GRAMD1B: variants seen among roughly 807,000 people sequenced by gnomAD.
GRAMD1B encodes GRAM domain containing 1B, also known as protein Aster-B.
In GRAMD1B, 37 loss-of-function variants were observed where a neutral mutation model predicts 99.7. The observed-to-expected ratio is 0.37, with a 90% CI of 0.29 to 0.49. The LOEUF is 0.49. Ranked by LOEUF, GRAMD1B falls within the 20% of genes least tolerant of loss-of-function variation. GRAMD1B has a pLI of 0.98. For synonymous variants in GRAMD1B, 427 were observed against 387.6 expected, an observed-to-expected ratio of 1.10 and a Z score of -1.19; for missense variants, 888 against 1,009.2, an observed-to-expected ratio of 0.88 and a Z score of 1.63.
intron 1 of GRAMD1B, among the ~76,000 whole-genome samples, chr11:123,377,330 A>G (rs550223929): frequency 6.6e-6 from 1 of 152,358 alleles, no homozygotes; most frequent in East Asian, 1.9e-4. Flanking sequence ...TATCTCACTC[A>G]TGTGAACTTA....
upstream of GRAMD1B, among the ~76,000 whole-genome samples, chr11:123,426,584 A>G (rs1184529489): frequency 1.5e-5 from 2 of 133,732 alleles, no homozygotes; most frequent in East Asian, 3.9e-4. Context: ...ATAATGGGCC[A>G]ACCGTTGGGA....
intron 1 of GRAMD1B, among the ~76,000 whole-genome samples, chr11:123,447,580 G>A (rs1189228758): frequency 6.6e-6 from 1 of 152,144 alleles, no homozygotes; most frequent in Non-Finnish European, 1.5e-5. Flanking sequence ...TGGAGGCTCT[G>A]GTTCTGCTAA....
At chr11:123,445,887 G>A (rs1476100583) in intron 1 of GRAMD1B, among the ~76,000 whole-genome samples, 1 of 150,284 alleles carries the variant, frequency 6.7e-6, no homozygotes, top group Non-Finnish European at 1.5e-5. Flanking sequence ...TGGTTGCACT[G>A]TCTTTCTTGG....
chr11:123,596,946 G>A (rs1181889738), intron 7 of GRAMD1B, among the ~76,000 whole-genome samples: 1 of 152,026 alleles, frequency 6.6e-6, no homozygotes, highest in East Asian at 1.9e-4. Flanking sequence ...CTCTACCATG[G>A]CTACCTGGGC....
intron 1 of GRAMD1B, among the ~76,000 whole-genome samples, chr11:123,390,138 T>C (rs1488625788): frequency 7.0e-6 from 1 of 142,726 alleles, no homozygotes. Flanking sequence ...ATCAATTCAT[T>C]AAAAAAAAAA....
intron 1 of GRAMD1B, among the ~76,000 whole-genome samples, chr11:123,394,409 G>A (rs573059208): frequency 3.9e-5 from 6 of 152,218 alleles, no homozygotes; most frequent in Admixed American, 3.3e-4. Flanking sequence ...CAAATGGAAC[G>A]GCCTCTCCAC....
At chr11:123,435,854 G>GT (rs1949132510) in intron 1 of GRAMD1B, 2 of 162,504 alleles carry the variant, frequency 1.2e-5, no homozygotes, top group African/African-American at 4.9e-5. Flanking sequence ...TAATTCAGTG[G>GT]TTTTTAATAT....
intron 2 of GRAMD1B, among the ~76,000 whole-genome samples, chr11:123,528,447 G>A (rs1019342948): frequency 2.6e-5 from 4 of 152,220 alleles, no homozygotes; most frequent in African/African-American, 9.6e-5. Context: ...CTGAAACTAT[G>A]TATCAAGCAC....
chr11:123,483,955 C>T (rs1411812857), intron 2 of GRAMD1B, among the ~76,000 whole-genome samples: 2 of 152,188 alleles, frequency 1.3e-5, no homozygotes, highest in Non-Finnish European at 2.9e-5. Context: ...GGAGACATGG[C>T]ACTTCCAAGG....
chr11:123,399,280 C>T (rs187364386), intron 1 of GRAMD1B, among the ~76,000 whole-genome samples: 5 of 152,286 alleles, frequency 3.3e-5, no homozygotes, highest in African/African-American at 1.2e-4. Context: ...TTTTTAAAGG[C>T]TGAAGAATAT....
At chr11:123,541,400 A>G (rs1944512624) in intron 2 of GRAMD1B, among the ~76,000 whole-genome samples, 3 of 152,062 alleles carry the variant, frequency 2.0e-5, no homozygotes. Context: ...TTGCCTCGGT[A>G]TTTCCATTCT....
rs1473969710 is a variant in GRAMD1B at position 123,626,676 on chromosome 11, C to T, written c.*4081C>T. 6.6e-6 allele frequency: 1 copy of T among 152,378 alleles called. No individual in the cohort carries two copies. Among genetic ancestry groups the T allele is most frequent in the Non-Finnish European group, 1.5e-5 (1 of 68,174 alleles). The allele number at this position is 152,378 out of a possible 1,614,324, so 9.4% of individuals were successfully genotyped here. ...TCTCCGGGGCCCCTTCCTGACTCTC[C>T]CCACCTTCGCCACTTGTCTCTAGGC... On this transcript the variant is annotated 3_prime_UTR_variant, in exon 20 of 20. Transcript: ENST00000635736.
At chr11:123,412,380 G>A (rs1177721658) in intron 1 of GRAMD1B, among the ~76,000 whole-genome samples, 1 of 152,200 alleles carries the variant, frequency 6.6e-6, no homozygotes, top group Non-Finnish European at 1.5e-5. Context: ...TTTACCTGTG[G>A]TGTATCAGTT....
At chr11:123,393,944 A>T (rs1350057456) in intron 1 of GRAMD1B, among the ~76,000 whole-genome samples, 1 of 152,150 alleles carries the variant, frequency 6.6e-6, no homozygotes, top group Admixed American at 6.5e-5. Flanking sequence ...CTTCAATTTC[A>T]TTCTCTTTCC....
At chr11:123,554,990 C>T (rs1444055512) in intron 2 of GRAMD1B, among the ~76,000 whole-genome samples, 15 of 152,146 alleles carry the variant, frequency 9.9e-5, no homozygotes, top group Non-Finnish European at 2.1e-4. Flanking sequence ...CTGGAAACTG[C>T]CCATTAGGGT....
chr11:123,560,324 AG>A (rs1946598870), intron 2 of GRAMD1B: 1 of 1,155,058 alleles, frequency 8.7e-7, no homozygotes, highest in Non-Finnish European at 1.1e-6. Flanking sequence ...CCAGGCAGAG[AG>A]AGAGAGGGAC....
intron 2 of GRAMD1B, among the ~76,000 whole-genome samples, chr11:123,489,857 A>G (rs936726684): frequency 6.6e-6 from 1 of 152,166 alleles, no homozygotes; most frequent in Non-Finnish European, 1.5e-5. Context: ...TCATTTGTTC[A>G]TTCATTCATT....
intron 1 of GRAMD1B, among the ~76,000 whole-genome samples, chr11:123,364,262 T>C (rs1285531474): frequency 4.6e-5 from 7 of 152,250 alleles, no homozygotes; most frequent in African/African-American, 1.7e-4. Flanking sequence ...CGCTTCTTCC[T>C]ACCAGCTAGC....
chr11:123,542,995 A>G (rs1393229916), intron 2 of GRAMD1B, among the ~76,000 whole-genome samples: 1 of 151,852 alleles, frequency 6.6e-6, no homozygotes, highest in Non-Finnish European at 1.5e-5. Flanking sequence ...TTAAATTGAA[A>G]CAGTGAAGTG....
Sources: gnomAD v4.1 joint callset for allele counts (sites outside exome capture counted in the v4.1 genomes callset) on GRCh38, gnomAD v4.1.1 for gene constraint, MANE v1.5 for transcripts, NCBI Gene and HGNC (gene_info 2026-07-23, HGNC 2026-07-21) for gene names.